MYO18B: variants seen among roughly 807,000 people sequenced by gnomAD.
MYO18B encodes myosin XVIIIB.
MYO18B carries 204 observed loss-of-function variants against 273.0 expected under a neutral mutation model. That is an observed-to-expected ratio of 0.75 (90% confidence interval 0.67 to 0.84). The LOEUF (loss-of-function observed/expected upper bound fraction) is 0.84, where lower values mean the gene tolerates loss of function less well. Among genes scored for constraint, MYO18B ranks in the 40% least tolerant of loss-of-function variants. The probability of loss-of-function intolerance (pLI) is 0.00; values close to 1 mark genes in which losing one functional copy is unlikely to be tolerated. For synonymous variants in MYO18B, 1,330 were observed against 1,305.7 expected (o/e 1.02, Z -0.40); for missense variants, 3,212 against 3,287.6 (o/e 0.98, Z 0.56).
Position 25,827,669 on chromosome 22 carries a change from C to T in MYO18B, c.2787-1107C>T, listed in dbSNP as rs75323252. ...TGGACACAGAATCAACTCCCTCTGA[C>T]GCTGCTGAAGTAATTACCATCTGAG... On this transcript the variant is annotated intron_variant, in intron 14 of 43. Coordinates refer to ENST00000335473, the MANE Select transcript of MYO18B (RefSeq NM_032608.7). 4.7e-3 allele frequency among the ~76,000 whole-genome samples: 716 copies of T among 152,276 alleles called. 3 individuals are homozygous for T. The highest frequency in any genetic ancestry group is 0.015 in the African/African-American group (625 of 41,534).
chr22:25,874,228 C>CCT (rs2091128523), intron 22 of MYO18B, 58 bp from the exon 23 acceptor site: 2 of 1,604,822 alleles, frequency 1.2e-6, no homozygotes, highest in Non-Finnish European at 1.7e-6. Flanking sequence ...CAAGCACCCC[C>CCT]CCATTGTAGA....
At position 25,996,339 on chromosome 22, in the gene MYO18B, C is replaced by G. The variant is rs145083679; in HGVS notation, c.6287+3846C>G. Among the ~76,000 whole-genome samples, 524 of 152,260 alleles carry G rather than the reference C, an allele frequency of 3.4e-3. 11 individuals carry two copies. The highest frequency in any genetic ancestry group is 9.9e-3 in the Admixed American group (152 of 15,294). ...AGTTTTACTGAGCACCTGTTGCGTG[C>G]GAGATGCTGTGTTAAGTGCTTGTTT... On this transcript the variant is annotated intron_variant, in intron 40 of 43. Coordinates refer to ENST00000335473, the MANE Select transcript of MYO18B (RefSeq NM_032608.7).
At chr22:25,848,438 A>G (rs1408973850) in intron 20 of MYO18B, among the ~76,000 whole-genome samples, 1 of 152,196 alleles carries the variant, frequency 6.6e-6, no homozygotes, top group African/African-American at 2.4e-5. Context: ...GCAAGTATGA[A>G]GGATGGAGGC....
chr22:25,858,033 C>T (rs965334352), intron 21 of MYO18B, among the ~76,000 whole-genome samples: 4 of 152,216 alleles, frequency 2.6e-5, no homozygotes, highest in Non-Finnish European at 5.9e-5. Context: ...TGTGCATGTG[C>T]ATTTGGTTTT....
chr22:25,775,648 G>A (rs973365916), intron 7 of MYO18B, among the ~76,000 whole-genome samples: 3 of 151,970 alleles, frequency 2.0e-5, no homozygotes, highest in Non-Finnish European at 4.4e-5. Flanking sequence ...ACCCTTCCTC[G>A]GCTCTAAGAC....
the MYO18B span, among the ~76,000 whole-genome samples, chr22:26,057,911 C>T: frequency 6.6e-6 from 1 of 152,138 alleles, no homozygotes. Flanking sequence ...AAGTAGCAAG[C>T]ATGTCATCAC....
intron 36 of MYO18B, among the ~76,000 whole-genome samples, chr22:25,948,096 G>A (rs2092736107): frequency 6.6e-6 from 1 of 151,958 alleles, no homozygotes; most frequent in African/African-American, 2.4e-5. Flanking sequence ...CCCACCCATC[G>A]ATCATTCATC....
intron 1 of MYO18B, among the ~76,000 whole-genome samples, chr22:25,749,184 C>T (rs1028872282): frequency 5.3e-5 from 8 of 152,186 alleles, no homozygotes; most frequent in African/African-American, 1.9e-4. Flanking sequence ...CAGTCAAGGG[C>T]CCACTAGAAA....
chr22:25,999,799 G>C (rs1054992522), intron 40 of MYO18B, among the ~76,000 whole-genome samples: 6 of 151,742 alleles, frequency 4.0e-5, no homozygotes, highest in Non-Finnish European at 7.4e-5. Flanking sequence ...GGGACTACAG[G>C]CACACGCCAC....
chr22:25,846,310 T>A, intron 19 of MYO18B, 27 bp downstream of exon 19: 1 of 1,605,468 alleles, frequency 6.2e-7, no homozygotes. Flanking sequence ...TCTCATGGTG[T>A]CCTGGCCTTC....
intron 25 of MYO18B, among the ~76,000 whole-genome samples, chr22:25,879,803 T>C (rs695631): frequency 0.49 from 74,053 of 152,026 alleles, 18,393 homozygotes; most frequent in Admixed American, 0.61. Context: ...GGGGAGCCCT[T>C]AGGAAACTTA....
intron 34 of MYO18B, among the ~76,000 whole-genome samples, chr22:25,936,927 A>G (rs2092585851): frequency 6.6e-6 from 1 of 152,126 alleles, no homozygotes; most frequent in Non-Finnish European, 1.5e-5. Flanking sequence ...TAATACCATC[A>G]CATTAGGGGG....
the MYO18B span, among the ~76,000 whole-genome samples, chr22:26,054,025 C>G: frequency 6.6e-6 from 1 of 152,186 alleles, no homozygotes; most frequent in Admixed American, 6.5e-5. Flanking sequence ...TGGGTGAACT[C>G]GGGCCAACAG....
chr22:26,060,556 G>A, the MYO18B span, among the ~76,000 whole-genome samples: 1 of 152,158 alleles, frequency 6.6e-6, no homozygotes, highest in Admixed American at 6.5e-5. Context: ...GTAGACTAAA[G>A]AGGGAGAAGA....
At chr22:25,807,674 C>G (rs539293078) in intron 12 of MYO18B, among the ~76,000 whole-genome samples, 1 of 152,256 alleles carries the variant, frequency 6.6e-6, no homozygotes, top group South Asian at 2.1e-4. Context: ...GAAGGTGCAT[C>G]ACCTTTTCTG....
intron 12 of MYO18B, among the ~76,000 whole-genome samples, chr22:25,809,325 C>A (rs58639907): frequency 0.066 from 10,023 of 152,176 alleles, 579 homozygotes; most frequent in East Asian, 0.21. Context: ...ACTATTGGTC[C>A]ACCTGCCTCC....
chr22:25,748,067 T>A (rs958657195), intron 1 of MYO18B, among the ~76,000 whole-genome samples: 1 of 152,082 alleles, frequency 6.6e-6, no homozygotes, highest in Non-Finnish European at 1.5e-5. Context: ...GTTAGAGAAG[T>A]CCCAGGAGAC....
At position 25,771,119 on chromosome 22, in the gene MYO18B, G is replaced by A. The variant is rs143726036; in HGVS notation, c.1692+135G>A. 5.0e-3 allele frequency: 3,317 copies of A among 661,332 alleles called. 15 individuals carry two copies. The highest frequency in any genetic ancestry group is 6.0e-3 in the Non-Finnish European group (2,211 of 371,442). 41.0% of individuals were successfully genotyped at this position (661,332 alleles called of 1,614,324 possible). A position where few individuals can be genotyped will look rare whatever the true frequency, so the allele number is the denominator to read the frequency against. ...CAATACCATTTTGGCTTGATGCCCT[G>A]GAGGGAGTTATAGTGAAGAACCCCA... On this transcript the variant is annotated intron_variant, in intron 6 of 43. Coordinates refer to ENST00000335473, the MANE Select transcript of MYO18B (RefSeq NM_032608.7).
At chr22:26,033,081 G>A (rs762195398), downstream of MYO18B, among the ~76,000 whole-genome samples, 5 of 152,216 alleles carry the variant, frequency 3.3e-5, no homozygotes, top group South Asian at 2.1e-4. Context: ...GAGGTAATTC[G>A]GGAAGTCAGG....
Sources: allele counts gnomAD v4.1 joint callset (sites outside exome capture counted in the v4.1 genomes callset), GRCh38; gene constraint gnomAD v4.1.1; transcripts MANE v1.5; gene names NCBI Gene and HGNC (gene_info 2026-07-23, HGNC 2026-07-21).